The following FAM53B variants were observed in gnomAD, a reference collection of about 807,000 sequenced individuals.
The protein encoded by FAM53B is protein FAM53B.
A neutral mutation model predicts 32.7 loss-of-function variants in FAM53B; 12 were observed. That is an observed-to-expected ratio of 0.37 (90% confidence interval 0.24 to 0.59). The LOEUF is 0.59. Among genes scored for constraint, FAM53B ranks in the 20% least tolerant of loss-of-function variants. The pLI is 0.72. For synonymous variants in FAM53B, 234 were observed against 228.7 expected (o/e 1.02, Z -0.21); for missense variants, 477 against 577.7 (o/e 0.83, Z 1.79).
rs1949311523 is a variant in FAM53B, at chr10:124,621,647, AAAAAT to A, written c.*1590_*1594del. 1 of 152,262 alleles carries A rather than the reference AAAAAT, an allele frequency of 6.6e-6. No individual in the cohort carries two copies. The highest frequency in any genetic ancestry group is 2.4e-5 in the African/African-American group (1 of 41,464). 9.4% of individuals were successfully genotyped at this position (152,262 alleles called of 1,614,324 possible). Reference sequence around the variant, plus strand: ...AACCACCATCCTTTTGATGTAGTAAAAAAATAAGATTTAAACAACGTTTCCCAAAA... The same window carrying A: ...AACCACCATCCTTTTGATGTAGTAAAAAGATTTAAACAACGTTTCCCAAAA... On this transcript the variant is annotated 3_prime_UTR_variant, in exon 5 of 5. Coordinates refer to ENST00000337318, the MANE Select transcript of FAM53B (RefSeq NM_014661.4).
intron 1 of FAM53B, among the ~76,000 whole-genome samples, chr10:124,742,079 G>A (rs1950203606): frequency 6.6e-6 from 1 of 152,178 alleles, no homozygotes; most frequent in Non-Finnish European, 1.5e-5. Flanking sequence ...GTTCTCTGAA[G>A]GAACGTTTGG....
chr10:124,628,165 G>A (rs1352253406), intron 4 of FAM53B, among the ~76,000 whole-genome samples: 1 of 152,176 alleles, frequency 6.6e-6, no homozygotes, highest in Non-Finnish European at 1.5e-5. Flanking sequence ...TTTATCAGTA[G>A]TGACCCAGAA....
intron 1 of FAM53B, among the ~76,000 whole-genome samples, chr10:124,721,635 T>G (rs966131046): frequency 6.6e-6 from 1 of 152,218 alleles, no homozygotes; most frequent in Non-Finnish European, 1.5e-5. Flanking sequence ...GACAGCTTCC[T>G]CAAGACTCAG....
At chr10:124,716,785 G>A (rs374477116) in intron 1 of FAM53B, among the ~76,000 whole-genome samples, 3 of 152,070 alleles carry the variant, frequency 2.0e-5, no homozygotes, top group East Asian at 3.9e-4. Flanking sequence ...CAAGAGGCAC[G>A]GAGAGAGGAG....
chr10:124,737,469 C>G (rs1245174437), intron 1 of FAM53B, among the ~76,000 whole-genome samples: 2 of 152,188 alleles, frequency 1.3e-5, no homozygotes, highest in Admixed American at 1.3e-4. Flanking sequence ...TGCTGGTCTA[C>G]GCTAAAGCAG....
At chr10:124,726,486 T>C (rs1443259345) in intron 1 of FAM53B, among the ~76,000 whole-genome samples, 1 of 152,180 alleles carries the variant, frequency 6.6e-6, no homozygotes, top group East Asian at 1.9e-4. Context: ...AAGAGGCAGA[T>C]GAGGATGCCA....
At chr10:124,702,500 A>G (rs1273397321) in intron 2 of FAM53B, among the ~76,000 whole-genome samples, 1 of 152,156 alleles carries the variant, frequency 6.6e-6, no homozygotes, top group Non-Finnish European at 1.5e-5. Flanking sequence ...GTCTCTCCCC[A>G]AGGCCTGGAG....
At chr10:124,671,098 C>A (rs1589745593) in intron 4 of FAM53B, 1 of 443,292 alleles carries the variant, frequency 2.3e-6, no homozygotes, top group South Asian at 1.6e-5. Flanking sequence ...ACAGAGGCAG[C>A]CGTACATCTC....
intron 4 of FAM53B, among the ~76,000 whole-genome samples, chr10:124,671,690 G>A (rs1005127254): frequency 6.6e-6 from 1 of 152,182 alleles, no homozygotes; most frequent in Non-Finnish European, 1.5e-5. Flanking sequence ...TTACTGATGT[G>A]AGCTCGCGTT....
chr10:124,706,671 C>T lies in FAM53B; in HGVS notation c.43G>A (p.Asp15Asn). ...CTGAAGGTCCCACATGCAATGGAGT[C>T]AGCTCCCCGGGTGCTGAGGCTTTCA... The part of the protein sequence containing the change: ...LSESLSTRGA[D>N]SIACGTFSRE... The change falls in exon 2 of 5, where the codon GAC becomes AAC. Residue 15 changes from aspartate to asparagine, a missense_variant. Asp to Asn is a conservative substitution (Grantham distance 23, BLOSUM62 1). Transcript: ENST00000337318. The T allele has an allele frequency of 6.2e-7, 1 of 1,614,214 alleles. No individual in the cohort carries two copies.
chr10:124,684,120 T>C (rs941476754), intron 3 of FAM53B, among the ~76,000 whole-genome samples: 9 of 152,240 alleles, frequency 5.9e-5, no homozygotes, highest in Admixed American at 3.9e-4. Flanking sequence ...CTGGGGACCC[T>C]GACAGGGGAC....
At chr10:124,645,335 A>T (rs1315999709) in intron 4 of FAM53B, among the ~76,000 whole-genome samples, 1 of 152,250 alleles carries the variant, frequency 6.6e-6, no homozygotes, top group African/African-American at 2.4e-5. Context: ...GTAATCATTG[A>T]GAGCAATAAT....
At chr10:124,628,890 C>T (rs1949373056) in intron 4 of FAM53B, among the ~76,000 whole-genome samples, 1 of 152,232 alleles carries the variant, frequency 6.6e-6, no homozygotes, top group Non-Finnish European at 1.5e-5. Context: ...TCAGCTGAGC[C>T]CACCTCTTTC....
rs552788616 is a variant in FAM53B, at chr10:124,738,822, CTT to C, written c.-175+5189_-175+5190del. Among the ~76,000 whole-genome samples the C allele has an allele frequency of 3.9e-5, 6 of 152,244 alleles. No homozygotes were observed. The South Asian group carries it at 1.2e-3, about 32-fold the overall frequency. Reference sequence around the variant, plus strand: ...CAAAAAGAAAAAAAAGTTGGAAACACTTTTAAGAATCTCTCTGAATGGAAAAT... The same window carrying C: ...CAAAAAGAAAAAAAAGTTGGAAACACTTAAGAATCTCTCTGAATGGAAAAT... On this transcript the variant is annotated intron_variant, in intron 1 of 4. Transcript: ENST00000337318.
At chr10:124,711,868 A>C (rs1437472695) in intron 1 of FAM53B, among the ~76,000 whole-genome samples, 1 of 152,094 alleles carries the variant, frequency 6.6e-6, no homozygotes, top group Non-Finnish European at 1.5e-5. Flanking sequence ...CCTAGGCAAC[A>C]CAGCAAGACT....
chr10:124,726,311 C>G (rs920859855), intron 1 of FAM53B, among the ~76,000 whole-genome samples: 1 of 152,088 alleles, frequency 6.6e-6, no homozygotes, highest in Non-Finnish European at 1.5e-5. Context: ...CTGGCCAGGC[C>G]CTGGAAATCT....
At chr10:124,652,894 C>A (rs959702024) in intron 4 of FAM53B, among the ~76,000 whole-genome samples, 5 of 152,212 alleles carry the variant, frequency 3.3e-5, no homozygotes, top group Non-Finnish European at 7.3e-5. Flanking sequence ...CCAGCCCACA[C>A]AGGCAGACGA....
Position 124,707,536 on chromosome 10 carries a change from G to A in FAM53B, c.-174-649C>T, listed in dbSNP as rs145471507. ...GTGGATCACCTGAGGTCAGGAGTTC[G>A]AGACCAGCCCGGTCAACATGGTGAA... is the stretch of plus-strand genomic sequence containing the variant. On this transcript the variant is annotated intron_variant, in intron 1 of 4. Transcript: ENST00000337318. 8.2e-3 allele frequency among the ~76,000 whole-genome samples: 1,251 copies of A among 152,276 alleles called. 20 individuals are homozygous for A. Among genetic ancestry groups the A allele is most frequent in the Non-Finnish European group, 0.013 (894 of 68,012 alleles).
chr10:124,665,329 T>C (rs1468764824), intron 4 of FAM53B, among the ~76,000 whole-genome samples: 1 of 152,234 alleles, frequency 6.6e-6, no homozygotes, highest in Non-Finnish European at 1.5e-5. Context: ...ACTCTCCAGG[T>C]GGCTCTCCCA....
Sources: gnomAD v4.1 joint callset for allele counts (sites outside exome capture counted in the v4.1 genomes callset) on GRCh38, gnomAD v4.1.1 for gene constraint, MANE v1.5 for transcripts, NCBI Gene and HGNC (gene_info 2026-07-23, HGNC 2026-07-21) for gene names.